BRWD3: variants seen among roughly 807,000 people sequenced by gnomAD.
The protein encoded by BRWD3 is bromodomain and WD repeat domain containing 3.
BRWD3 carries 10 observed loss-of-function variants against 149.7 expected under a neutral mutation model. The ratio of observed to expected loss-of-function variants is 0.07; its 90% confidence interval spans 0.04 to 0.11. BRWD3 has a LOEUF of 0.11. Ranked by LOEUF, BRWD3 falls within the 10% of genes least tolerant of loss-of-function variation. The pLI is 1.00. For synonymous variants in BRWD3, 504 were observed against 456.7 expected (o/e 1.10, Z -1.32); for missense variants, 940 against 1,373.2 (o/e 0.68, Z 4.99).
At position 80,695,995 on chromosome X, in the gene BRWD3, A is replaced by G; in HGVS notation, c.3069-5T>C. Reference sequence around the variant, plus strand: ...ACATCCGGCATGTCATGATACCTATACAGAAAATAAAGCACATATGAATCA... The same window carrying G: ...ACATCCGGCATGTCATGATACCTATGCAGAAAATAAAGCACATATGAATCA... On this transcript the variant is annotated splice_region_variant and splice_polypyrimidine_tract_variant and intron_variant, in intron 26 of 40. Transcript: ENST00000373275. 1 of 1,181,317 alleles carries G rather than the reference A, an allele frequency of 8.5e-7. No individual in the cohort carries two copies. Among genetic ancestry groups the G allele is most frequent in the Non-Finnish European group, 1.2e-6 (1 of 868,362 alleles).
chrX:80,767,924 G>A (rs757341444), intron 6 of BRWD3, among the ~76,000 whole-genome samples: 16 of 111,917 alleles, frequency 1.4e-4, no homozygotes, highest in African/African-American at 5.2e-4. Flanking sequence ...TGAGAACTAC[G>A]TGACGCATGC....
chrX:80,791,862 G>C lies in BRWD3; in HGVS notation c.422C>G (p.Pro141Arg). ...ACAGGTATATTACTCACCCACATTTGGAGGTTTCACATAATTTACAGGTAG... is the reference window on the plus strand; with the variant it reads ...ACAGGTATATTACTCACCCACATTTCGAGGTTTCACATAATTTACAGGTAG... ...PELPVNYVKP[P>R]NVVNITSARQ... The change falls in exon 6 of 41, where the codon CCA becomes CGA. Residue 141 changes from proline to arginine, a missense_variant. Physicochemically the swap from Pro to Arg is moderately radical, Grantham distance 103 (BLOSUM62 -2). Coordinates refer to ENST00000373275, the MANE Select transcript of BRWD3 (RefSeq NM_153252.5). 8.4e-7 allele frequency: 1 copy of C among 1,196,724 alleles called. No homozygotes were observed. Among genetic ancestry groups the C allele is most frequent in the Non-Finnish European group, 1.1e-6 (1 of 882,399 alleles).
chrX:80,801,212 ATC>A (rs1327065927), intron 4 of BRWD3, among the ~76,000 whole-genome samples: 1 of 79,871 alleles, frequency 1.3e-5, no homozygotes, highest in African/African-American at 4.6e-5. Flanking sequence ...ATGAGAAAAC[ATC>A]TTTTTTTTTT....
At chrX:80,739,997 T>C (rs767674960) in intron 8 of BRWD3, among the ~76,000 whole-genome samples, 6 of 111,698 alleles carry the variant, frequency 5.4e-5, no homozygotes, top group Non-Finnish European at 1.1e-4. Context: ...TATGTCCCAA[T>C]TCCAGAAATA....
rs760721996 is a variant in BRWD3 at position 80,725,977 on chromosome X, TTA to T, written c.1387-912_1387-911del. 6.0e-3 allele frequency among the ~76,000 whole-genome samples: 633 copies of T among 105,340 alleles called. 5 individuals carry two copies. The highest frequency in any genetic ancestry group is 0.01 in the Non-Finnish European group (516 of 51,120). The allele number at this position is 105,340 out of a possible 115,157, so 91.5% of individuals were successfully genotyped here. On this transcript the variant is annotated intron_variant, in intron 14 of 40. Coordinates refer to ENST00000373275, the MANE Select transcript of BRWD3 (RefSeq NM_153252.5). ...ATATAACACATAACATGTTTACATG[TTA>T]TATGTCTATATAACATAACATGTTT...
chrX:80,703,112 T>G (rs2072813604), intron 24 of BRWD3, among the ~76,000 whole-genome samples: 1 of 111,208 alleles, frequency 9.0e-6, no homozygotes. Flanking sequence ...TTCTATCAGG[T>G]TGAACGTGTT....
At chrX:80,712,883 G>T (rs1444579628) in intron 20 of BRWD3, among the ~76,000 whole-genome samples, 28 of 93,405 alleles carry the variant, frequency 3.0e-4, no homozygotes, top group African/African-American at 1.0e-3. Context: ...CAACTGCCCC[G>T]TCTGAGAAGT....
At chrX:80,746,407 G>A (rs1303585647) in intron 6 of BRWD3, among the ~76,000 whole-genome samples, 8 of 106,004 alleles carry the variant, frequency 7.5e-5, no homozygotes, top group African/African-American at 2.1e-4. Flanking sequence ...TTTCTTGTTC[G>A]CTTTGCCTTG....
At chrX:80,716,940 T>C (rs1421680105) in intron 19 of BRWD3, 2 of 111,856 alleles carry the variant, frequency 1.8e-5, no homozygotes, top group East Asian at 5.6e-4. Context: ...ACCAAATTAA[T>C]TTTGCTATTT....
rs17332994 is a variant in BRWD3, at chrX:80,684,415, A to G, written c.4081-253T>C. Among the ~76,000 whole-genome samples the G allele has an allele frequency of 0.032, 3,616 of 111,880 alleles. 76 individuals carry two copies. The highest frequency in any genetic ancestry group is 0.15 in the South Asian group (411 of 2,677). ...TGAAGGTAAAGAATAGAAAATCCAT[A>G]GCCGTTGGCTTCATCTCTACAGCTT... is the stretch of plus-strand genomic sequence containing the variant. On this transcript the variant is annotated intron_variant, in intron 36 of 40. Transcript: ENST00000373275.
intron 6 of BRWD3, among the ~76,000 whole-genome samples, chrX:80,781,854 T>C (rs769341061): frequency 2.7e-5 from 3 of 110,535 alleles, no homozygotes; most frequent in East Asian, 5.7e-4. Context: ...ATGAAAGAAA[T>C]TGAAGATACA....
rs1275569230 is a variant in BRWD3, at chrX:80,682,098, G to A, written c.4398-4C>T. ...TTGTTTCTGCTTCCCTTTTGGACTAGAAGTAAAAATATGTAACAACGAGCA... is the reference window on the plus strand; with the variant it reads ...TTGTTTCTGCTTCCCTTTTGGACTAAAAGTAAAAATATGTAACAACGAGCA... On this transcript the variant is annotated splice_polypyrimidine_tract_variant and splice_region_variant and intron_variant, in intron 38 of 40. Transcript: ENST00000373275. 1.7e-6 allele frequency: 2 copies of A among 1,191,625 alleles called. No homozygotes were observed. The highest frequency in any genetic ancestry group is 3.0e-5 in the East Asian group (1 of 33,607).
At chrX:80,775,336 T>C (rs1003671386) in intron 6 of BRWD3, among the ~76,000 whole-genome samples, 2 of 112,129 alleles carry the variant, frequency 1.8e-5, no homozygotes, top group Non-Finnish European at 3.8e-5. Context: ...GCCTTTGTTA[T>C]GTCAAACAGG....
chrX:80,709,509 T>C lies in BRWD3; in HGVS notation c.2394A>G (p.Gln798=). 3.3e-6 allele frequency: 4 copies of C among 1,210,121 alleles called. No homozygotes were observed. Among genetic ancestry groups the C allele is most frequent in the Non-Finnish European group, 4.5e-6 (4 of 894,178 alleles). Residue 798 remains glutamine, a synonymous_variant, in exon 21 of 41, where the codon CAA becomes CAG. Coordinates refer to ENST00000373275, the MANE Select transcript of BRWD3 (RefSeq NM_153252.5). The stretch of plus-strand genomic sequence containing the variant: ...AATTATGCTCTATGTTGGACCGTGT[T>C]TGGTAAGTATGCTGACGTTTGCGCT... ...RTQRKRQHTY[Q]TRSNIEHNSQ...
At position 80,670,005 on chromosome X, in the gene BRWD3, GAAT is replaced by G. The variant is rs1179761876; in HGVS notation, c.*6601_*6603del. On this transcript the variant is annotated 3_prime_UTR_variant, in exon 41 of 41. Coordinates refer to ENST00000373275, the MANE Select transcript of BRWD3 (RefSeq NM_153252.5). ...AATAACTGTTAAAACTAGATGTCTA[GAAT>G]AATTAAAATTATAAGATTTTATAAT... Among the ~76,000 whole-genome samples the G allele has an allele frequency of 4.3e-4, 47 of 110,003 alleles. No homozygotes were observed. The highest frequency in any genetic ancestry group is 5.1e-4 in the Non-Finnish European group (27 of 52,683).
Position 80,674,445 on chromosome X carries a change from T to C in BRWD3, c.*2164A>G, listed in dbSNP as rs2072346683. ...AAATTTCAAACTAAAATGATACATG[T>C]GATCCATATTTGGGTATATCCAGGA... On this transcript the variant is annotated 3_prime_UTR_variant, in exon 41 of 41. Transcript: ENST00000373275. 9.0e-6 allele frequency: 1 copy of C among 111,525 alleles called. No homozygotes were observed. The highest frequency in any genetic ancestry group is 1.9e-5 in the Non-Finnish European group (1 of 53,009). The allele number at this position is 111,525 out of a possible 1,213,427, so 9.2% of individuals were successfully genotyped here. A position where few individuals can be genotyped will look rare whatever the true frequency, so the allele number is the denominator to read the frequency against.
At chrX:80,704,269 T>G (rs2072831070) in intron 23 of BRWD3, among the ~76,000 whole-genome samples, 2 of 110,417 alleles carry the variant, frequency 1.8e-5, no homozygotes, top group East Asian at 2.9e-4. Context: ...CATAGTGGAA[T>G]GGAGGGAGAG....
intron 6 of BRWD3, among the ~76,000 whole-genome samples, chrX:80,785,617 C>G: frequency 8.9e-6 from 1 of 111,958 alleles, no homozygotes; most frequent in Non-Finnish European, 1.9e-5. Flanking sequence ...TTGTTTTTGG[C>G]CAAAGTCTGT....
intron 25 of BRWD3, 22 bp downstream of exon 25, chrX:80,699,935 C>T: frequency 8.8e-7 from 1 of 1,135,061 alleles, no homozygotes. Flanking sequence ...CATTGCATAG[C>T]TTATGAATTT....
Sources: allele counts gnomAD v4.1 joint callset (sites outside exome capture counted in the v4.1 genomes callset), GRCh38; gene constraint gnomAD v4.1.1; transcripts MANE v1.5; gene names NCBI Gene and HGNC (gene_info 2026-07-23, HGNC 2026-07-21).